AGBL1: variants seen among roughly 807,000 people sequenced by gnomAD.
AGBL1 encodes cytosolic carboxypeptidase 4.
Under a neutral mutation model 118.9 loss-of-function variants are expected in AGBL1, and 130 were observed. That is an observed-to-expected ratio of 1.09 (90% CI 0.95 to 1.26). The LOEUF is 1.26. Among genes scored for constraint, AGBL1 ranks in the 50% most tolerant of loss-of-function variants. The pLI, the probability that AGBL1 is intolerant of heterozygous loss-of-function variation, is 0.00. For synonymous variants in AGBL1, 555 were observed against 478.9 expected, an observed-to-expected ratio of 1.16 and a Z score of -2.08; for missense variants, 1,584 against 1,298.1, an observed-to-expected ratio of 1.22 and a Z score of -3.38.
intron 6 of AGBL1, 101 bp downstream of exon 6, chr15:86,225,052 GA>G: frequency 9.7e-7 from 1 of 1,030,608 alleles, no homozygotes. Flanking sequence ...TTTTTTTCAT[GA>G]ACTACTATTT....
At chr15:86,879,082 T>C (rs751581967) in intron 22 of AGBL1, among the ~76,000 whole-genome samples, 11 of 152,236 alleles carry the variant, frequency 7.2e-5, no homozygotes, top group African/African-American at 2.2e-4. Flanking sequence ...AGTCTTTTCA[T>C]AGGGCTCGGG....
intron 22 of AGBL1, among the ~76,000 whole-genome samples, chr15:86,690,327 C>T (rs1212795203): frequency 3.3e-5 from 5 of 152,090 alleles, no homozygotes; most frequent in Admixed American, 6.6e-5. Context: ...GAGGACCATA[C>T]AGTGTTTGGA....
chr15:86,257,051 T>C, intron 8 of AGBL1, 33 bp downstream of exon 8: 1 of 1,593,948 alleles, frequency 6.3e-7, no homozygotes, highest in Non-Finnish European at 8.6e-7. Flanking sequence ...ACCTTTAAGA[T>C]GAGTTTTTGC....
intron 1 of AGBL1, among the ~76,000 whole-genome samples, chr15:86,134,650 G>A (rs1597439742): frequency 8.7e-6 from 1 of 115,166 alleles, no homozygotes; most frequent in East Asian, 2.6e-4. Flanking sequence ...ATCTCACTCT[G>A]TCGCCCAGGC....
intron 21 of AGBL1, among the ~76,000 whole-genome samples, chr15:86,586,845 A>T (rs2084255949): frequency 6.6e-6 from 1 of 152,106 alleles, no homozygotes; most frequent in African/African-American, 2.4e-5. Flanking sequence ...AATAGAAAGG[A>T]ATGCTTAAGT....
chr15:86,342,579 G>T (rs1358160444), intron 17 of AGBL1, among the ~76,000 whole-genome samples: 1 of 152,118 alleles, frequency 6.6e-6, no homozygotes, highest in Non-Finnish European at 1.5e-5. Context: ...GCATTGTACA[G>T]ATTTCAAAAA....
intron 22 of AGBL1, among the ~76,000 whole-genome samples, chr15:86,813,321 C>A (rs144885805): frequency 6.6e-6 from 1 of 152,090 alleles, no homozygotes; most frequent in African/African-American, 2.4e-5. Flanking sequence ...TCTCTCCATT[C>A]TCGTTTTCCC....
rs2084869619 is a variant in AGBL1 at position 86,625,375 on chromosome 15, T to TTTTTTTTTTTA, written c.2995-48895_2995-48894insTTTTTTTATTT. On this transcript the variant is annotated intron_variant, in intron 21 of 22. Transcript: ENST00000614907. ...GTAGAAGAAATTAGCGTTTTTTTTTTTTTGTTTTTGTTTTTTTTTTTTTTT... is the reference window on the plus strand; with the variant it reads ...GTAGAAGAAATTAGCGTTTTTTTTTTTTTTTTTTTTATTTGTTTTTGTTTTTTTTTTTTTTT... 4.5e-5 allele frequency among the ~76,000 whole-genome samples: 2 copies of TTTTTTTTTTTA among 44,594 alleles called. 1 individual carries two copies. The highest frequency in any genetic ancestry group is 8.0e-5 in the Non-Finnish European group (2 of 25,140). 29.3% of individuals were successfully genotyped at this position (44,594 alleles called of 152,430 possible).
intron 22 of AGBL1, among the ~76,000 whole-genome samples, chr15:86,841,735 T>G (rs1003953471): frequency 6.6e-6 from 1 of 152,154 alleles, no homozygotes; most frequent in Non-Finnish European, 1.5e-5. Context: ...TAATCCCATC[T>G]ACTTGGGAGG....
At chr15:86,677,819 T>C (rs2085876562) in intron 22 of AGBL1, among the ~76,000 whole-genome samples, 1 of 152,194 alleles carries the variant, frequency 6.6e-6, no homozygotes, top group African/African-American at 2.4e-5. Flanking sequence ...AAAAGTTTAA[T>C]AATTAAAAAG....
intron 22 of AGBL1, among the ~76,000 whole-genome samples, chr15:86,786,964 A>C (rs1241857381): frequency 1.3e-5 from 2 of 152,190 alleles, no homozygotes; most frequent in Non-Finnish European, 2.9e-5. Flanking sequence ...TGGTGGTACC[A>C]ATTTACACTC....
chr15:86,873,533 G>C (rs576817710), intron 22 of AGBL1, among the ~76,000 whole-genome samples: 1 of 152,112 alleles, frequency 6.6e-6, no homozygotes, highest in Non-Finnish European at 1.5e-5. Context: ...CAAGTTGATG[G>C]TATGGAGAGG....
intron 18 of AGBL1, among the ~76,000 whole-genome samples, chr15:86,429,855 A>G (rs973455186): frequency 2.0e-5 from 3 of 152,246 alleles, no homozygotes; most frequent in African/African-American, 4.8e-5. Context: ...GTTGAAACAA[A>G]TAACAACAAT....
At chr15:86,631,675 G>T (rs1167293986) in intron 21 of AGBL1, among the ~76,000 whole-genome samples, 1 of 152,194 alleles carries the variant, frequency 6.6e-6, no homozygotes, top group Admixed American at 6.5e-5. Context: ...TCCCTGATGG[G>T]AGGTGTGGTT....
chr15:86,519,956 A>AT (rs1403792333), intron 18 of AGBL1, among the ~76,000 whole-genome samples: 2 of 151,988 alleles, frequency 1.3e-5, no homozygotes, highest in Admixed American at 6.5e-5. Context: ...ATTTCTTTGC[A>AT]TTTTTTCTTA....
chr15:86,779,848 T>C (rs2078307454), intron 22 of AGBL1, among the ~76,000 whole-genome samples: 1 of 152,152 alleles, frequency 6.6e-6, no homozygotes, highest in Non-Finnish European at 1.5e-5. Context: ...ATTCAAACTT[T>C]TGTTCATCGT....
chr15:86,151,358 G>T lies in AGBL1; in HGVS notation c.263-3072G>T, dbSNP rs188776516. On this transcript the variant is annotated intron_variant, in intron 3 of 22. Transcript: ENST00000614907. ...ATCAAGTCAGCTTCATCCCTGGGAT[G>T]CAAGGCTGGTTCACCATACACAAAT... 8.5e-4 allele frequency among the ~76,000 whole-genome samples: 127 copies of T among 148,916 alleles called. 1 individual carries two copies. In the East Asian group the frequency reaches 0.024, roughly 28 times the overall value.
intron 23 of AGBL1, among the ~76,000 whole-genome samples, chr15:86,967,934 G>A (rs959713426): frequency 2.0e-5 from 3 of 151,982 alleles, no homozygotes; most frequent in South Asian, 2.1e-4. Context: ...CCATTTTCAC[G>A]ATATTGATTC....
intron 13 of AGBL1, among the ~76,000 whole-genome samples, chr15:86,269,717 T>C (rs895796862): frequency 3.3e-5 from 5 of 152,208 alleles, no homozygotes; most frequent in South Asian, 2.1e-4. Flanking sequence ...CTTGTAATAC[T>C]AGGAAGCCCC....
Sources: gnomAD v4.1 joint callset for allele counts (sites outside exome capture counted in the v4.1 genomes callset) on GRCh38, gnomAD v4.1.1 for gene constraint, MANE v1.5 for transcripts, NCBI Gene and HGNC (gene_info 2026-07-23, HGNC 2026-07-21) for gene names.